Variants in PC observed in about 807,000 individuals in gnomAD.
PC encodes the protein pyruvate carboxylase.
A neutral mutation model predicts 107.8 loss-of-function variants in PC; 46 were observed. The ratio of observed to expected loss-of-function variants is 0.43; its 90% CI spans 0.34 to 0.55. The LOEUF (loss-of-function observed/expected upper bound fraction) is 0.55, where lower values mean the gene tolerates loss of function less well. Among genes scored for constraint, PC ranks in the 20% least tolerant of loss-of-function variants. The probability of loss-of-function intolerance (pLI) is 0.04; values close to 1 mark genes in which losing one functional copy is unlikely to be tolerated. For missense variants in PC, 1,241 were observed against 1,643.1 expected (o/e 0.76, Z 4.23); for synonymous variants, 662 against 684.7 (o/e 0.97, Z 0.52).
At chr11:66,918,068 T>C (rs1463152212) in intron 3 of PC, among the ~76,000 whole-genome samples, 1 of 152,116 alleles carries the variant, frequency 6.6e-6, no homozygotes, top group Non-Finnish European at 1.5e-5. Flanking sequence ...GCCCTCTAGG[T>C]GGTGATAGAA....
Position 66,852,871 on chromosome 11 carries a change from T to A in PC, c.1514-35A>T. 3 of 1,420,464 alleles carry A rather than the reference T, an allele frequency of 2.1e-6. No individual in the cohort carries two copies. Among genetic ancestry groups the A allele is most frequent in the Non-Finnish European group, 2.9e-6 (3 of 1,028,968 alleles). The allele number at this position is 1,420,464 out of a possible 1,614,324, so 88.0% of individuals were successfully genotyped here. The stretch of plus-strand genomic sequence containing the variant: ...AAGCGGGCAGTGGGTCAGGGTGGGC[T>A]GGGCAGAGGCTGAGTCGAGGGCAGC... On this transcript the variant is annotated intron_variant, in intron 13 of 22. Transcript: ENST00000393960. This position sits in a 1 kb window ranked among gnomAD's most constrained non-coding sequence, Gnocchi z 4.7.
intron 21 of PC, 39 bp from the exon 22 acceptor site, chr11:66,849,409 G>A (rs1945336220): frequency 6.2e-7 from 1 of 1,610,670 alleles, no homozygotes; most frequent in East Asian, 2.2e-5. Flanking sequence ...TGGACGCCAA[G>A]GTGGGAGAGC....
chr11:66,859,197 AC>A (rs750645465), intron 12 of PC: 54 of 1,327,688 alleles, frequency 4.1e-5, no homozygotes, highest in Non-Finnish European at 5.1e-5. Context: ...TGGGGCTGAC[AC>A]CCCCTCCCCG....
Position 66,849,981 on chromosome 11 carries a change from T to C in PC, c.2854A>G (p.Ile952Val), listed in dbSNP as rs1234189457. 22 of 1,613,660 alleles carry C rather than the reference T, an allele frequency of 1.4e-5. No individual in the cohort carries two copies. The highest frequency in any genetic ancestry group is 4.5e-5 in the East Asian group (2 of 44,880). The change falls in exon 20 of 23, where the codon ATC becomes GTC. Residue 952 changes from isoleucine (I) to valine (V), a missense_variant. Transcript: ENST00000393960. ...GGGAACCCCCCATGGGGGACACCGA[T>C]GTAGCCCTGCAGGAACTCCACCACG... Reference protein sequence around the residue: ...RSVVEFLQGYIGVPHGGFPEP... With the variant: ...RSVVEFLQGYVGVPHGGFPEP...
At position 66,950,379 on chromosome 11, in the gene PC, GCC is replaced by G. The variant is rs893343221; in HGVS notation, c.-1+2049_-1+2050del. Among the ~76,000 whole-genome samples the G allele has an allele frequency of 1.3e-5, 2 of 152,194 alleles. 1 individual carries two copies. The highest frequency in any genetic ancestry group is 4.8e-5 in the African/African-American group (2 of 41,444). On this transcript the variant is annotated intron_variant, in intron 3 of 22. Transcript: ENST00000393960. Reference sequence around the variant, plus strand: ...CTCCCAGCTGTCCCGTGCCCTCCCGGCCCCACCTCTTTCTCTGGCCTCGAGGC... The same window carrying G: ...CTCCCAGCTGTCCCGTGCCCTCCCGGCCACCTCTTTCTCTGGCCTCGAGGC...
intron 3 of PC, among the ~76,000 whole-genome samples, chr11:66,917,184 G>T (rs1036971619): frequency 8.6e-5 from 13 of 151,866 alleles, no homozygotes; most frequent in African/African-American, 3.1e-4. Context: ...GGATTCTCCT[G>T]CCTCAGCTTC....
chr11:66,849,435 G>A, intron 21 of PC, 65 bp from the exon 22 acceptor site: 2 of 1,607,880 alleles, frequency 1.2e-6, no homozygotes, highest in Admixed American at 1.7e-5. Flanking sequence ...CCCGGCCCTG[G>A]CCATAGGAAG....
At chr11:66,867,991 G>C (rs1946566003) in intron 10 of PC, among the ~76,000 whole-genome samples, 1 of 152,254 alleles carries the variant, frequency 6.6e-6, no homozygotes, top group Non-Finnish European at 1.5e-5. Flanking sequence ...AAATTACATG[G>C]CTCATAGTAG....
chr11:66,919,110 T>A (rs1776795749), intron 3 of PC, among the ~76,000 whole-genome samples: 1 of 152,072 alleles, frequency 6.6e-6, no homozygotes, highest in Non-Finnish European at 1.5e-5. Context: ...GGAAAAAACT[T>A]TCTATTTTCA....
At chr11:66,948,944 T>C (rs1949371796) in intron 3 of PC, among the ~76,000 whole-genome samples, 1 of 151,988 alleles carries the variant, frequency 6.6e-6, no homozygotes, top group East Asian at 1.9e-4. Flanking sequence ...ATTTAGGTAT[T>C]AGAGGGTTTT....
At position 66,852,922 on chromosome 11, in the gene PC, A is replaced by G. The variant is rs1945592700; in HGVS notation, c.1514-86T>C. ...AGTGAGAGTGGCTGGGCTCAGGGAC[A>G]GGGACACATCCCTCCAGGATCCCCG... On this transcript the variant is annotated intron_variant, in intron 13 of 22. Transcript: ENST00000393960. The surrounding 1 kb of genome is among the most constrained non-coding windows in gnomAD (Gnocchi z 4.7). The G allele has an allele frequency of 5.8e-6, 6 of 1,026,220 alleles. No homozygotes were observed. The South Asian group carries it at 9.4e-5, about 16-fold the overall frequency. 63.6% of individuals were successfully genotyped at this position (1,026,220 alleles called of 1,614,324 possible).
At position 66,858,738 on chromosome 11, in the gene PC, C is replaced by G. The variant is rs1386579420; in HGVS notation, c.1368+5036G>C. 3 of 1,553,074 alleles carry G rather than the reference C, an allele frequency of 1.9e-6. No individual in the cohort carries two copies. In the East Asian group the frequency reaches 7.2e-5, roughly 37 times the overall value. ...CAACTCCTCCCGAGCCCGGGCTTTC[C>G]CCAACGGGACCTTAGAGATTGGGGT... On this transcript the variant is annotated intron_variant, in intron 12 of 22. Transcript: ENST00000393960. The surrounding 1 kb of genome is among the most constrained non-coding windows in gnomAD (Gnocchi z 5.9).
chr11:66,927,982 T>C (rs1380804026), intron 3 of PC, among the ~76,000 whole-genome samples: 1 of 152,114 alleles, frequency 6.6e-6, no homozygotes, highest in Non-Finnish European at 1.5e-5. Flanking sequence ...CATAACACTA[T>C]ACATCTGCTT....
At chr11:66,873,513 T>TAATATTATA in intron 3 of PC, among the ~76,000 whole-genome samples, 1 of 1,822 alleles carries the variant, frequency 5.5e-4, no homozygotes. Flanking sequence ...ATATTATATA[T>TAATATTATA]TATATTATAT....
Position 66,914,393 on chromosome 11 carries a change from T to C in PC, c.-1+38037A>G, listed in dbSNP as rs899621819. 3.3e-5 allele frequency among the ~76,000 whole-genome samples: 5 copies of C among 152,062 alleles called. No individual in the cohort carries two copies. In the South Asian group the frequency reaches 8.3e-4, roughly 25 times the overall value. ...TGGGCGTGGTGGCAGGCACCTGTAA[T>C]GCCAGCTACTAGGGAGGCTGAGGCA... On this transcript the variant is annotated intron_variant, in intron 3 of 22. Transcript: ENST00000393960.
chr11:66,859,392 C>T (rs1251406076), intron 12 of PC, among the ~76,000 whole-genome samples: 2 of 152,172 alleles, frequency 1.3e-5, no homozygotes, highest in East Asian at 3.8e-4. Flanking sequence ...CCCGCGCCCG[C>T]GTGTTATTTC....
At chr11:66,904,637 C>T (rs1948098010) in intron 3 of PC, among the ~76,000 whole-genome samples, 1 of 152,104 alleles carries the variant, frequency 6.6e-6, no homozygotes, top group Non-Finnish European at 1.5e-5. Flanking sequence ...GACCCTGTCT[C>T]AAAACACACA....
At chr11:66,895,799 A>C (rs1947738628) in intron 3 of PC, among the ~76,000 whole-genome samples, 1 of 152,170 alleles carries the variant, frequency 6.6e-6, no homozygotes, top group East Asian at 1.9e-4. Flanking sequence ...AACAGAGGGC[A>C]AGAAAAGGAA....
Position 66,851,185 on chromosome 11 carries a change from G to T in PC, c.2078C>A (p.Ala693Glu). The change falls in exon 17 of 23, where the codon GCA becomes GAA. Residue 693 changes from alanine (A) to glutamate (E), a missense_variant. Physicochemically the swap from Ala to Glu is moderately radical, Grantham distance 107. Transcript: ENST00000393960. ...CTCCACCACGCCTCCGGCACTTCCT[G>T]CCGCCTCCATGCCCAGCAGCATGTT... ...LPNMLLGMEA[A>E]GSAGGVVEAA... is the part of the protein sequence containing the mutation. 1 of 1,611,142 alleles carries T rather than the reference G, an allele frequency of 6.2e-7. No homozygotes were observed.
Sources: gnomAD v4.1 joint callset for allele counts (sites outside exome capture counted in the v4.1 genomes callset) on GRCh38, gnomAD v4.1.1 for gene constraint, Gnocchi (gnomAD v3.1) non-coding constraint, MANE v1.5 for transcripts, NCBI Gene and HGNC (gene_info 2026-07-23, HGNC 2026-07-21) for gene names.